The following ZC3H14 variants were observed in gnomAD, a reference collection of about 807,000 sequenced individuals.
ZC3H14 encodes the protein zinc finger CCCH domain-containing protein 14.
A neutral mutation model predicts 92.4 loss-of-function variants in ZC3H14; 31 were observed. The ratio of observed to expected loss-of-function variants is 0.34; its 90% confidence interval spans 0.25 to 0.45. The LOEUF (loss-of-function observed/expected upper bound fraction) is 0.45. ZC3H14 is among the 20% of genes least tolerant of loss of function. The pLI, the probability that ZC3H14 is intolerant of heterozygous loss-of-function variation, is 1.00. For missense variants in ZC3H14, 781 were observed against 897.3 expected (o/e 0.87, Z 1.66); for synonymous variants, 321 against 300.9 (o/e 1.07, Z -0.69).
At chr14:88,594,350 G>A in intron 9 of ZC3H14, 2 of 1,007,432 alleles carry the variant, frequency 2.0e-6, no homozygotes, top group Non-Finnish European at 1.2e-6. Context: ...TGTGACACAT[G>A]TCTGTTTTCA....
intron 10 of ZC3H14, among the ~76,000 whole-genome samples, chr14:88,599,330 T>G (rs377715139): frequency 6.6e-6 from 1 of 152,242 alleles, no homozygotes; most frequent in Admixed American, 6.5e-5. Flanking sequence ...TGAAAATTTC[T>G]TTTTACACTT....
intron 10 of ZC3H14, among the ~76,000 whole-genome samples, 188 bp from the exon 11 acceptor site, chr14:88,601,736 C>T (rs981331560): frequency 6.6e-6 from 1 of 152,174 alleles, no homozygotes; most frequent in Non-Finnish European, 1.5e-5. Flanking sequence ...GCGAGAAGGA[C>T]TCCTTGAGTT....
intron 2 of ZC3H14, among the ~76,000 whole-genome samples, chr14:88,567,574 T>C (rs1206650151): frequency 6.6e-6 from 1 of 152,168 alleles, no homozygotes; most frequent in Non-Finnish European, 1.5e-5. Flanking sequence ...GTTTATTCGA[T>C]GTTGCTACAA....
At position 88,618,671 on chromosome 14, in the gene ZC3H14, A is replaced by G. The variant is rs2088216696; in HGVS notation, c.*6920A>G. The stretch of plus-strand genomic sequence containing the variant: ...GTACCTGGAGATAACTGCTATCTGC[A>G]GAGAAGTCCATTTGAATGACAAAGC... On this transcript the variant is annotated 3_prime_UTR_variant, in exon 17 of 17. Coordinates refer to ENST00000251038, the MANE Select transcript of ZC3H14 (RefSeq NM_024824.5). 1 of 1,613,058 alleles carries G rather than the reference A, an allele frequency of 6.2e-7. No homozygotes were observed. The highest frequency in any genetic ancestry group is 1.7e-5 in the Admixed American group (1 of 59,902).
chr14:88,577,750 A>G (rs2081350344), intron 8 of ZC3H14, among the ~76,000 whole-genome samples: 1 of 151,938 alleles, frequency 6.6e-6, no homozygotes. Context: ...TTGTATTTTT[A>G]GTAGAAACGA....
intron 9 of ZC3H14, chr14:88,594,837 C>T: frequency 1.2e-6 from 2 of 1,614,012 alleles, no homozygotes; most frequent in East Asian, 2.2e-5. Context: ...ATGAGCTAGA[C>T]AATATTTCCC....
In ZC3H14 at chr14:88,616,840, A is replaced by T. The variant is rs781112285; in HGVS notation, c.*5089A>T. ...CACAGTTGACATCAGCTTTCTCAGC[A>T]TGTCTGGACCAGATTCCCAAAACCT... On this transcript the variant is annotated 3_prime_UTR_variant, in exon 17 of 17. Coordinates refer to ENST00000251038, the MANE Select transcript of ZC3H14 (RefSeq NM_024824.5). 3 of 1,613,952 alleles carry T rather than the reference A, an allele frequency of 1.9e-6. No individual in the cohort carries two copies. In the South Asian group the frequency reaches 3.3e-5, roughly 18 times the overall value.
chr14:88,607,594 CA>C (rs1310966799), intron 13 of ZC3H14, among the ~76,000 whole-genome samples: 4 of 135,294 alleles, frequency 3.0e-5, no homozygotes, highest in Non-Finnish European at 6.2e-5. Flanking sequence ...ACCATCTCCC[CA>C]TCTCACCCTG....
intron 9 of ZC3H14, chr14:88,594,534 T>C (rs1566950139): frequency 7.0e-7 from 1 of 1,429,690 alleles, no homozygotes; most frequent in African/African-American, 1.4e-5. Flanking sequence ...GAATTCTGAC[T>C]CTAGAAATGT....
intron 10 of ZC3H14, among the ~76,000 whole-genome samples, chr14:88,601,547 T>A (rs1196141370): frequency 3.3e-5 from 5 of 152,234 alleles, no homozygotes; most frequent in Admixed American, 3.3e-4. Context: ...GGAAAAGTGG[T>A]TCAGCAGTCT....
chr14:88,594,801 C>T (rs1487907728), intron 9 of ZC3H14: 2 of 1,614,040 alleles, frequency 1.2e-6, no homozygotes, highest in Non-Finnish European at 1.7e-6. Context: ...ACTTAGGTTC[C>T]ATAACAAGCT....
chr14:88,586,393 A>G (rs1031592124), intron 9 of ZC3H14, among the ~76,000 whole-genome samples: 11 of 152,194 alleles, frequency 7.2e-5, no homozygotes, highest in Non-Finnish European at 1.2e-4. Context: ...CCAAGAGTCT[A>G]TTCACCTGTG....
intron 16 of ZC3H14, among the ~76,000 whole-genome samples, chr14:88,611,365 G>A (rs2086710792): frequency 3.9e-5 from 6 of 152,026 alleles, no homozygotes; most frequent in Admixed American, 3.9e-4. Flanking sequence ...AAAGTACCAG[G>A]ATTACAGGCA....
chr14:88,611,695 T>C, intron 16 of ZC3H14, 50 bp from the exon 17 acceptor site: 1 of 1,612,344 alleles, frequency 6.2e-7, no homozygotes, highest in Non-Finnish European at 8.5e-7. Context: ...ATATGGTATA[T>C]ATGGATACAA....
intron 6 of ZC3H14, chr14:88,574,335 TC>T: frequency 3.5e-6 from 1 of 284,764 alleles, no homozygotes; most frequent in South Asian, 3.5e-5. Context: ...ATCCTCCACC[TC>T]CCGGGTTCAA....
chr14:88,563,813 T>G, intron 2 of ZC3H14, 120 bp downstream of exon 2: 6 of 950,406 alleles, frequency 6.3e-6, no homozygotes, highest in Non-Finnish European at 1.0e-5. Flanking sequence ...TCTACCTTCT[T>G]CAAATCTTAT....
At chr14:88,578,468 CTTTTTATTGTGGAAA>C (rs2081445375) in intron 9 of ZC3H14, among the ~76,000 whole-genome samples, 1 of 152,000 alleles carries the variant, frequency 6.6e-6, no homozygotes, top group Non-Finnish European at 1.5e-5. Flanking sequence ...TTTTGAAAGT[CTTTTTATTGTGGAAA>C]TTTTTAATAT....
Position 88,619,737 on chromosome 14 carries a change from A to AT in ZC3H14, c.*7987dup, listed in dbSNP as rs1429036137. ...CTCTTGTCTCCCAGGCTGGAGTGCG[A>AT]TGGCGCAACCTCCGCCTCCCGGGTT... On this transcript the variant is annotated 3_prime_UTR_variant, in exon 17 of 17. Coordinates refer to ENST00000251038, the MANE Select transcript of ZC3H14 (RefSeq NM_024824.5). 1 of 152,026 alleles carries AT rather than the reference A, an allele frequency of 6.6e-6. No homozygotes were observed. The highest frequency in any genetic ancestry group is 2.4e-5 in the African/African-American group (1 of 41,386). The allele number at this position is 152,026 out of a possible 1,614,324, so 9.4% of individuals were successfully genotyped here. A position where few individuals can be genotyped will look rare whatever the true frequency, so the allele number is the denominator to read the frequency against.
At chr14:88,577,715 G>T (rs1033954237) in intron 8 of ZC3H14, among the ~76,000 whole-genome samples, 6 of 152,006 alleles carry the variant, frequency 3.9e-5, no homozygotes, top group Admixed American at 6.6e-5. Context: ...GATTACAGGT[G>T]TGTGCCACTA....
Sources: gnomAD v4.1 joint callset for allele counts (sites outside exome capture counted in the v4.1 genomes callset) on GRCh38, gnomAD v4.1.1 for gene constraint, MANE v1.5 for transcripts, NCBI Gene and HGNC (gene_info 2026-07-23, HGNC 2026-07-21) for gene names.